PLEKHG4B: variants seen among roughly 807,000 people sequenced by gnomAD.
PLEKHG4B encodes pleckstrin homology and RhoGEF domain containing G4B.
In PLEKHG4B, 111 loss-of-function variants were observed where a neutral mutation model predicts 121.3. That is an observed-to-expected ratio of 0.92 (90% CI 0.78 to 1.07). The LOEUF is 1.07. Ranked by LOEUF, PLEKHG4B falls within the 50% of genes least tolerant of loss-of-function variation. The pLI is 0.00. For missense variants in PLEKHG4B, 1,831 were observed against 1,757.8 expected (o/e 1.04, Z -0.74); for synonymous variants, 738 against 725.0 (o/e 1.02, Z -0.29).
At chr5:138,558 T>C (rs1735052604) in intron 2 of PLEKHG4B, among the ~76,000 whole-genome samples, 2 of 152,344 alleles carry the variant, frequency 1.3e-5, no homozygotes, top group South Asian at 4.1e-4. Context: ...TTTATTGCCA[T>C]TCTGGAAAGC....
Position 139,758 on chromosome 5 carries a change from T to C in PLEKHG4B, c.519T>C (p.His173=). 5.0e-6 allele frequency: 2 copies of C among 399,062 alleles called. No individual in the cohort carries two copies. Among genetic ancestry groups the C allele is most frequent in the East Asian group, 3.6e-5 (1 of 28,048 alleles). The allele number at this position is 399,062 out of a possible 1,614,324, so 24.7% of individuals were successfully genotyped here. ...FLEWVNRERR[H]VPLQTCLLTS... ...AGTGGGTGAACCGGGAGCGGCGCCA[T>C]GTCCCCCTGCAAACCTGCTTGCTGA... Residue 173 remains histidine, a synonymous_variant, in exon 3 of 20, where the codon CAT becomes CAC. Coordinates refer to ENST00000637938, the MANE Select transcript of PLEKHG4B (RefSeq NM_052909.5). The surrounding 1 kb of genome is among the most constrained non-coding windows in gnomAD (Gnocchi z 5.0).
intron 6 of PLEKHG4B, among the ~76,000 whole-genome samples, chr5:149,879 A>C (rs1169291857): frequency 6.6e-6 from 1 of 152,244 alleles, no homozygotes; most frequent in South Asian, 2.1e-4. Context: ...AAGTGTTGGC[A>C]AAGATACGGA....
intron 2 of PLEKHG4B, among the ~76,000 whole-genome samples, chr5:133,706 T>C (rs1234615055): frequency 6.6e-6 from 1 of 152,084 alleles, no homozygotes; most frequent in Middle Eastern, 3.2e-3. Flanking sequence ...ACAACCACCA[T>C]GGAAAACAGC....
At chr5:173,195 A>G in intron 17 of PLEKHG4B, 128 bp downstream of exon 17, 1 of 897,120 alleles carries the variant, frequency 1.1e-6, no homozygotes, top group Non-Finnish European at 1.7e-6. Context: ...CCGCACTGCG[A>G]TGTTTGTTTT....
At chr5:177,581 T>G (rs900168636) in intron 18 of PLEKHG4B, among the ~76,000 whole-genome samples, 1 of 152,186 alleles carries the variant, frequency 6.6e-6, no homozygotes, top group Admixed American at 6.5e-5. Flanking sequence ...AGAAAGAATT[T>G]GACTGAGGGA....
chr5:111,684 C>T (rs1375070544), intron 1 of PLEKHG4B, among the ~76,000 whole-genome samples: 1 of 152,092 alleles, frequency 6.6e-6, no homozygotes, highest in African/African-American at 2.4e-5. Flanking sequence ...ATTTCATCTC[C>T]TGCAGAACAG....
chr5:98,452 T>TC (rs1733691895), intron 1 of PLEKHG4B, among the ~76,000 whole-genome samples: 1 of 138,232 alleles, frequency 7.2e-6, no homozygotes, highest in Non-Finnish European at 1.5e-5. Flanking sequence ...TTTTTTTTTT[T>TC]TGAGATGGAG....
rs113718235 is a variant in PLEKHG4B, at chr5:143,740, G to A, written c.1811+237G>A. On this transcript the variant is annotated intron_variant, in intron 5 of 19. Transcript: ENST00000637938. Reference sequence around the variant, plus strand: ...CCCACAATTAAACACACCTGGCTACGGGGCAGACAGGGCACACTCACTCTT... The same window carrying A: ...CCCACAATTAAACACACCTGGCTACAGGGCAGACAGGGCACACTCACTCTT... Among the ~76,000 whole-genome samples, 470 of 152,270 alleles carry A rather than the reference G, an allele frequency of 3.1e-3. 1 individual carries two copies. Among genetic ancestry groups the A allele is most frequent in the African/African-American group, 0.01 (424 of 41,556 alleles).
rs569221972 is a variant in PLEKHG4B at position 151,085 on chromosome 5, C to G, written c.1906-428C>G. Among the ~76,000 whole-genome samples, 10 of 152,312 alleles carry G rather than the reference C, an allele frequency of 6.6e-5. No individual in the cohort carries two copies. In the East Asian group the frequency reaches 1.7e-3, roughly 26 times the overall value. On this transcript the variant is annotated intron_variant, in intron 6 of 19. Coordinates refer to ENST00000637938, the MANE Select transcript of PLEKHG4B (RefSeq NM_052909.5). ...GCTAAGTGAGAGAGGCCACTCCTGC[C>G]TGAGTCTATTTATGTCTAGAAAAGG...
chr5:174,762 T>C (rs1736700486), intron 18 of PLEKHG4B, among the ~76,000 whole-genome samples: 1 of 152,074 alleles, frequency 6.6e-6, no homozygotes, highest in African/African-American at 2.4e-5. Context: ...CATTCCACGT[T>C]AGGGACAGAA....
chr5:92,723 G>A (rs1445270025), intron 1 of PLEKHG4B, among the ~76,000 whole-genome samples: 1 of 151,926 alleles, frequency 6.6e-6, no homozygotes, highest in African/African-American at 2.4e-5. Context: ...GTGCCTGAAG[G>A]GGAGCCAGGG....
intron 13 of PLEKHG4B, among the ~76,000 whole-genome samples, chr5:164,801 A>G (rs1367908569): frequency 2.0e-4 from 22 of 108,240 alleles, no homozygotes; most frequent in South Asian, 3.2e-4. Context: ...GACGGGGCGG[A>G]GCTCACACAC....
At chr5:167,976 G>T (rs1364048324) in intron 13 of PLEKHG4B, among the ~76,000 whole-genome samples, 2 of 152,196 alleles carry the variant, frequency 1.3e-5, no homozygotes, top group Admixed American at 6.5e-5. Flanking sequence ...CTGCAGTTTT[G>T]CACGGGAGGT....
rs770059613 is a variant in PLEKHG4B, at chr5:171,117, C to G, written c.3804C>G (p.Gly1268=). The part of the protein sequence containing the change: ...PQSDALLSSH[G]NAFFKDKQRE... ...CGGATGCCCTGCTCAGCAGCCATGG[C>G]AACGCCTTCTTCAAGGTCATCCCCC... Residue 1268 remains glycine, a synonymous_variant, in exon 15 of 20, where the codon GGC becomes GGG. Coordinates refer to ENST00000637938, the MANE Select transcript of PLEKHG4B (RefSeq NM_052909.5). The G allele has an allele frequency of 6.2e-7, 1 of 1,613,264 alleles. No individual in the cohort carries two copies. The highest frequency in any genetic ancestry group is 1.1e-5 in the South Asian group (1 of 91,022).
intron 14 of PLEKHG4B, 84 bp downstream of exon 14, chr5:169,676 G>C: frequency 6.4e-7 from 1 of 1,560,444 alleles, no homozygotes; most frequent in Non-Finnish European, 8.6e-7. Flanking sequence ...GGGCCCACGT[G>C]TCAGGCGGTT....
chr5:164,500 CAGG>C (rs1263948926), intron 13 of PLEKHG4B, among the ~76,000 whole-genome samples: 58 of 86,826 alleles, frequency 6.7e-4, no homozygotes, highest in African/African-American at 1.2e-3. Flanking sequence ...AATGCTCTGA[CAGG>C]GGGCGGAGCT....
intron 3 of PLEKHG4B, among the ~76,000 whole-genome samples, chr5:142,528 G>T (rs1446344781): frequency 1.4e-5 from 2 of 147,160 alleles, no homozygotes; most frequent in Non-Finnish European, 3.0e-5. Flanking sequence ...TGCCTCCAAC[G>T]ATCACACTCC....
At position 140,562 on chromosome 5, in the gene PLEKHG4B, A is replaced by C; in HGVS notation, c.1323A>C (p.Glu441Asp). The C allele has an allele frequency of 6.2e-7, 1 of 1,607,720 alleles. No homozygotes were observed. The highest frequency in any genetic ancestry group is 1.1e-5 in the South Asian group (1 of 90,274). The change falls in exon 3 of 20, where the codon GAA becomes GAC. Residue 441 changes from glutamate to aspartate, a missense_variant. By Grantham distance (45) the Glu-to-Asp change is conservative. Transcript: ENST00000637938. ...RTLPRRSRSW[E>D]RAPRSSRGAQ... ...TTCCCAGGAGATCTCGGTCCTGGGA[A>C]AGGGCACCCAGAAGCTCCAGAGGGG...
In PLEKHG4B at chr5:144,818, C is replaced by T. The variant is rs1338604088; in HGVS notation, c.1812-9C>T. 1.2e-6 allele frequency: 2 copies of T among 1,611,588 alleles called. No homozygotes were observed. Among genetic ancestry groups the T allele is most frequent in the Admixed American group, 3.3e-5 (2 of 59,936 alleles). Reference sequence around the variant, plus strand: ...CAGTGGTTAAGATGGGCTGTCTTTCCCTCCCCAGGAAAGAGGTCCGGGACC... The same window carrying T: ...CAGTGGTTAAGATGGGCTGTCTTTCTCTCCCCAGGAAAGAGGTCCGGGACC... On this transcript the variant is annotated splice_polypyrimidine_tract_variant and intron_variant, in intron 5 of 19. Transcript: ENST00000637938.
Sources: allele counts gnomAD v4.1 joint callset (sites outside exome capture counted in the v4.1 genomes callset), GRCh38; gene constraint gnomAD v4.1.1; non-coding constraint Gnocchi (gnomAD v3.1); transcripts MANE v1.5; gene names NCBI Gene and HGNC (gene_info 2026-07-23, HGNC 2026-07-21).